PCDH10: variants seen among roughly 807,000 people sequenced by gnomAD.
The protein encoded by PCDH10 is protocadherin-10.
Under a neutral mutation model 74.4 loss-of-function variants are expected in PCDH10, and 15 were observed. The ratio of observed to expected loss-of-function variants is 0.20; its 90% CI spans 0.13 to 0.31. PCDH10 has a LOEUF of 0.31. Ranked by LOEUF, PCDH10 falls within the 10% of genes least tolerant of loss-of-function variation. The probability of loss-of-function intolerance (pLI) is 1.00; values close to 1 mark genes in which losing one functional copy is unlikely to be tolerated. For synonymous variants in PCDH10, 619 were observed against 589.8 expected, an observed-to-expected ratio of 1.05 and a Z score of -0.72; for missense variants, 1,260 against 1,390.2, an observed-to-expected ratio of 0.91 and a Z score of 1.49.
rs1218181186 is a variant in PCDH10 at position 133,193,250 on chromosome 4, G to C, written c.*3090G>C. On this transcript the variant is annotated 3_prime_UTR_variant, in exon 5 of 5. Coordinates refer to ENST00000264360, the MANE Select transcript of PCDH10 (RefSeq NM_032961.3). ...AATATCACATCAGAATTACTTCACA[G>C]ATATAATAGCGTCAATGATATATGT... 1 of 151,614 alleles carries C rather than the reference G, an allele frequency of 6.6e-6. No individual in the cohort carries two copies. The highest frequency in any genetic ancestry group is 6.6e-5 in the Admixed American group (1 of 15,188). 9.4% of individuals were successfully genotyped at this position (151,614 alleles called of 1,614,324 possible).
Position 133,149,611 on chromosome 4 carries a change from G to A in PCDH10, c.-530G>A, listed in dbSNP as rs572829128. 3 of 152,724 alleles carry A rather than the reference G, an allele frequency of 2.0e-5. No individual in the cohort carries two copies. The highest frequency in any genetic ancestry group is 1.3e-4 in the Admixed American group (2 of 15,326). The allele number at this position is 152,724 out of a possible 1,614,324, so 9.5% of individuals were successfully genotyped here. Reference sequence around the variant, plus strand: ...TTTTCCGGCACAAAATTATATCGCTGATTTTAAGCCCTTTTGCATTTGCCA... The same window carrying A: ...TTTTCCGGCACAAAATTATATCGCTAATTTTAAGCCCTTTTGCATTTGCCA... On this transcript the variant is annotated 5_prime_UTR_variant, in exon 1 of 5. It removes the in-frame stop codon of an upstream open reading frame in the 5' UTR. Coordinates refer to ENST00000264360, the MANE Select transcript of PCDH10 (RefSeq NM_032961.3).
At chr4:133,162,953 G>T in intron 3 of PCDH10, 24 bp from the exon 4 acceptor site, 1 of 1,584,108 alleles carries the variant, frequency 6.3e-7, no homozygotes, top group Non-Finnish European at 8.6e-7. Context: ...GACTACATCC[G>T]TAGTTTCTGT....
intron 3 of PCDH10, among the ~76,000 whole-genome samples, chr4:133,159,040 C>T (rs1372067618): frequency 2.0e-5 from 3 of 151,666 alleles, no homozygotes; most frequent in East Asian, 1.9e-4. Context: ...TTTGTGGTTA[C>T]AATTAATGTA....
Position 133,201,099 on chromosome 4 carries a change from A to G in PCDH10, n.438-6977A>G, listed in dbSNP as rs578055268. On this transcript the variant is annotated intron_variant and non_coding_transcript_variant, in intron 2 of 2. Transcript: ENST00000511112. ...ATAAGCACAATTACAGCCAAATATG[A>G]GTACGTCTCCCAGAGAAATCACATT... 3.9e-5 allele frequency among the ~76,000 whole-genome samples: 6 copies of G among 152,302 alleles called. No homozygotes were observed. In the East Asian group the frequency reaches 9.7e-4, roughly 25 times the overall value.
rs751446452 is a variant in PCDH10 at position 133,151,121 on chromosome 4, C to A, written c.981C>A (p.Tyr327Ter). Residue 327 changes from tyrosine to a stop codon, truncating the protein, a stop_gained, in exon 1 of 5, where the codon TAC (tyrosine) becomes TAA (stop). Coordinates refer to ENST00000264360, the MANE Select transcript of PCDH10 (RefSeq NM_032961.3). LOFTEE classifies it high-confidence loss of function. Reference sequence around the variant, plus strand: ...AAGAGAGCCCAGTGTACCAAGTGTACGTGCAAGCCAAGGACCTGGGCCCCA... The same window carrying A: ...AAGAGAGCCCAGTGTACCAAGTGTAAGTGCAAGCCAAGGACCTGGGCCCCA... ...DYEESPVYQV[Y>*]VQAKDLGPNA... 1 of 1,614,110 alleles carries A rather than the reference C, an allele frequency of 6.2e-7. No homozygotes were observed. Among genetic ancestry groups the A allele is most frequent in the African/African-American group, 1.3e-5 (1 of 75,066 alleles).
chr4:133,163,635 T>C (rs1390736607), intron 4 of PCDH10, among the ~76,000 whole-genome samples: 1 of 152,176 alleles, frequency 6.6e-6, no homozygotes, highest in African/African-American at 2.4e-5. Context: ...AGTTAATGGA[T>C]AAATATTACT....
chr4:133,152,281 T>G lies in PCDH10; in HGVS notation c.2141T>G (p.Leu714Arg). 1 of 1,614,046 alleles carries G rather than the reference T, an allele frequency of 6.2e-7. No individual in the cohort carries two copies. ...GGCGGCGGGGAAACCTCGCTAGACC[T>G]CACCCTCATCCTCATCATCGCGTTG... Reference protein sequence around the residue: ...RSGGGETSLDLTLILIIALGS... With the variant: ...RSGGGETSLDRTLILIIALGS... Residue 714 changes from leucine to arginine, a missense_variant, in exon 1 of 5, where the codon CTC becomes CGC. Leu to Arg is a moderately radical substitution (Grantham distance 102). Around this residue, in one of 11 missense-constraint regions of PCDH10, gnomAD observed 587 missense variants for 616.9 expected, o/e 0.95. Transcript: ENST00000264360.
At position 133,152,008 on chromosome 4, in the gene PCDH10, G is replaced by A. The variant is rs1326819316; in HGVS notation, c.1868G>A (p.Gly623Asp). The A allele has an allele frequency of 3.1e-6, 5 of 1,612,630 alleles. No individual in the cohort carries two copies. Among genetic ancestry groups the A allele is most frequent in the Admixed American group, 1.7e-5 (1 of 59,998 alleles). ...NARLTYSIVR[G>D]NEMNLFRMDW... ...CGGCTCACTTACAGCATCGTGCGTG[G>A]CAACGAAATGAACCTCTTTCGCATG... Residue 623 changes from glycine to aspartate, a missense_variant, in exon 1 of 5, where the codon GGC (glycine) becomes GAC (aspartate). Physicochemically the swap from Gly to Asp is moderately conservative, Grantham distance 94. This residue lies in a region of PCDH10 where 587 missense variants were observed against 616.9 expected (regional missense o/e 0.95). Transcript: ENST00000264360.
downstream of PCDH10, among the ~76,000 whole-genome samples, chr4:133,199,289 A>AAT (rs1727855009): frequency 7.3e-6 from 1 of 136,682 alleles, no homozygotes; most frequent in African/African-American, 2.8e-5. Context: ...CCCTGTCTCA[A>AAT]AATAATAATA....
At chr4:133,156,900 A>G (rs2125860987) in intron 3 of PCDH10, among the ~76,000 whole-genome samples, 1 of 152,306 alleles carries the variant, frequency 6.6e-6, no homozygotes, top group Middle Eastern at 3.4e-3. Context: ...TAGCTACTTT[A>G]TTTCACAGTC....
At chr4:133,182,242 A>G (rs184705173) in intron 4 of PCDH10, among the ~76,000 whole-genome samples, 69 of 152,196 alleles carry the variant, frequency 4.5e-4, no homozygotes, top group Admixed American at 2.1e-3. Context: ...TTGAAAATCA[A>G]TGCTAGTTTC....
rs1378663932 is a variant in PCDH10 at position 133,162,985 on chromosome 4, C to G, written c.2806C>G (p.Leu936Val). The G allele has an allele frequency of 6.2e-7, 1 of 1,610,198 alleles. No homozygotes were observed. Among genetic ancestry groups the G allele is most frequent in the East Asian group, 2.2e-5 (1 of 44,712 alleles). Residue 936 changes from leucine (L) to valine (V), a missense_variant, in exon 4 of 5, where the codon CTC becomes GTC. Coordinates refer to ENST00000264360, the MANE Select transcript of PCDH10 (RefSeq NM_032961.3). ...TNRAQSAGMD[L>V]FSNCTEECKA... ...CTGTTTTCTGCTTACAGGTATGGAT[C>G]TCTTCTCCAATTGCACTGAGGAATG...
chr4:133,172,006 A>G (rs559602375), intron 4 of PCDH10, among the ~76,000 whole-genome samples: 1 of 152,178 alleles, frequency 6.6e-6, no homozygotes, highest in South Asian at 2.1e-4. Flanking sequence ...GAGCCTTCTC[A>G]TAAGTAATAT....
chr4:133,181,195 A>G (rs1349014224), intron 4 of PCDH10, among the ~76,000 whole-genome samples: 1 of 152,072 alleles, frequency 6.6e-6, no homozygotes, highest in Non-Finnish European at 1.5e-5. Flanking sequence ...AAATGTAATC[A>G]TAATACAAAG....
intron 4 of PCDH10, among the ~76,000 whole-genome samples, chr4:133,170,269 C>T (rs958848286): frequency 6.6e-6 from 1 of 151,958 alleles, no homozygotes; most frequent in Non-Finnish European, 1.5e-5. Context: ...AGGCACTTAC[C>T]CATATTCTTT....
At chr4:133,179,044 C>T (rs962624254) in intron 4 of PCDH10, among the ~76,000 whole-genome samples, 1 of 152,012 alleles carries the variant, frequency 6.6e-6, no homozygotes, top group African/African-American at 2.4e-5. Flanking sequence ...CACAGTCATC[C>T]TTAGAATTGA....
At chr4:133,184,794 A>T (rs28582186) in intron 4 of PCDH10, among the ~76,000 whole-genome samples, 1 of 137,684 alleles carries the variant, frequency 7.3e-6, no homozygotes, top group African/African-American at 2.8e-5. Context: ...AAATATATAT[A>T]TTTATATATA....
At chr4:133,153,076 G>C (rs1314405641) in intron 1 of PCDH10, 1 of 1,350,734 alleles carries the variant, frequency 7.4e-7, no homozygotes, top group Admixed American at 3.6e-5. Flanking sequence ...TGGGCATGAA[G>C]GGAAACTGCG....
rs1727689673 is a variant in PCDH10 at position 133,192,142 on chromosome 4, A to G, written c.*1982A>G. 1 of 151,682 alleles carries G rather than the reference A, an allele frequency of 6.6e-6. No individual in the cohort carries two copies. The highest frequency in any genetic ancestry group is 1.9e-4 in the East Asian group (1 of 5,188). The allele number at this position is 151,682 out of a possible 1,614,324, so 9.4% of individuals were successfully genotyped here. A position where few individuals can be genotyped will look rare whatever the true frequency, so the allele number is the denominator to read the frequency against. ...TTCCAGCCTTTTGAAGTCTCTTTAAACATATATGAAGCTAACAGATCATAT... is the reference window on the plus strand; with the variant it reads ...TTCCAGCCTTTTGAAGTCTCTTTAAGCATATATGAAGCTAACAGATCATAT... On this transcript the variant is annotated 3_prime_UTR_variant, in exon 5 of 5. Coordinates refer to ENST00000264360, the MANE Select transcript of PCDH10 (RefSeq NM_032961.3).
Sources: gnomAD v4.1 joint callset for allele counts (sites outside exome capture counted in the v4.1 genomes callset) on GRCh38, gnomAD v4.1.1 for gene constraint, gnomAD v4.1.1 regional missense constraint, MANE v1.5 for transcripts, NCBI Gene and HGNC (gene_info 2026-07-23, HGNC 2026-07-21) for gene names.